MSRA: variants seen among roughly 807,000 people sequenced by gnomAD.
MSRA encodes the protein mitochondrial peptide methionine sulfoxide reductase.
In MSRA, 54 loss-of-function variants were observed where a neutral mutation model predicts 31.3. The observed-to-expected ratio is 1.73, with a 90% CI of 1.39 to 2.17. MSRA has a LOEUF of 2.17. MSRA is among the 30% of genes most tolerant of loss of function. The pLI, the probability that MSRA is intolerant of heterozygous loss-of-function variation, is 0.00. For missense variants in MSRA, 507 were observed against 300.9 expected (o/e 1.69, Z -5.07); for synonymous variants, 169 against 116.5 (o/e 1.45, Z -2.90).
intron 1 of MSRA, among the ~76,000 whole-genome samples, chr8:10,195,754 G>A (rs1168998157): frequency 6.6e-6 from 1 of 152,204 alleles, no homozygotes; most frequent in African/African-American, 2.4e-5. Flanking sequence ...CATCTCTCAT[G>A]TAAAAAGAGA....
chr8:10,208,691 G>T (rs1388397924), intron 2 of MSRA, among the ~76,000 whole-genome samples: 1 of 152,006 alleles, frequency 6.6e-6, no homozygotes, highest in African/African-American at 2.4e-5. Flanking sequence ...CGACCTCTGT[G>T]CTCTGGAATT....
intron 2 of MSRA, among the ~76,000 whole-genome samples, chr8:10,224,673 T>G (rs1174094892): frequency 3.3e-5 from 5 of 152,236 alleles, no homozygotes; most frequent in Middle Eastern, 3.4e-3. Context: ...CCACCACATT[T>G]CTAAGAAATC....
At chr8:10,077,436 C>T (rs1023762614) in intron 1 of MSRA, among the ~76,000 whole-genome samples, 2 of 149,222 alleles carry the variant, frequency 1.3e-5, no homozygotes, top group Admixed American at 6.7e-5. Context: ...TTTTGTACTA[C>T]TGTTTGTCAT....
chr8:10,089,556 G>T (rs551795350), intron 1 of MSRA, among the ~76,000 whole-genome samples: 1 of 152,330 alleles, frequency 6.6e-6, no homozygotes, highest in South Asian at 2.1e-4. Context: ...ACAGCGGGTA[G>T]ACGAGAGGTA....
chr8:10,054,409 C>CCCCCCCCCCCCCG lies in MSRA; in HGVS notation c.-108_-107insCCCCCCCCCCCCG. 2 of 1,027,594 alleles carry CCCCCCCCCCCCCG rather than the reference C, an allele frequency of 1.9e-6. No homozygotes were observed. Among genetic ancestry groups the CCCCCCCCCCCCCG allele is most frequent in the Non-Finnish European group, 2.5e-6 (2 of 794,002 alleles). The allele number at this position is 1,027,594 out of a possible 1,614,324, so 63.7% of individuals were successfully genotyped here. A position where few individuals can be genotyped will look rare whatever the true frequency, so the allele number is the denominator to read the frequency against. On this transcript the variant is annotated 5_prime_UTR_variant, in exon 1 of 6. Coordinates refer to ENST00000317173, the MANE Select transcript of MSRA (RefSeq NM_012331.5). Reference sequence around the variant, plus strand: ...GCCCCGCGCCCGCCCGCCCGCGCCCCTGCCGCCCCCCGGTTCCGGCCGCGG... The same window carrying CCCCCCCCCCCCCG: ...GCCCCGCGCCCGCCCGCCCGCGCCCCCCCCCCCCCCCCGTGCCGCCCCCCGGTTCCGGCCGCGG...
chr8:10,124,598 C>T (rs1801366651), intron 1 of MSRA, among the ~76,000 whole-genome samples: 1 of 152,114 alleles, frequency 6.6e-6, no homozygotes, highest in Non-Finnish European at 1.5e-5. Context: ...TATGAGACAC[C>T]AGTCAGTAAA....
rs796814087 is a variant in MSRA at position 10,358,686 on chromosome 8, G to A, written c.543+38697G>A. Reference sequence around the variant, plus strand: ...CGGCTCACTGCAAGCTCCGCCTCCCGGGTTCACGCCATTCTCCTGCCTCAG... The same window carrying A: ...CGGCTCACTGCAAGCTCCGCCTCCCAGGTTCACGCCATTCTCCTGCCTCAG... On this transcript the variant is annotated intron_variant, in intron 5 of 5. Transcript: ENST00000317173. 2.3e-3 allele frequency among the ~76,000 whole-genome samples: 317 copies of A among 137,464 alleles called. 5 individuals carry two copies. Among genetic ancestry groups the A allele is most frequent in the African/African-American group, 8.4e-3 (303 of 36,088 alleles). The allele number at this position is 137,464 out of a possible 152,430, so 90.2% of individuals were successfully genotyped here. A position where few individuals can be genotyped will look rare whatever the true frequency, so the allele number is the denominator to read the frequency against.
intron 3 of MSRA, among the ~76,000 whole-genome samples, chr8:10,260,754 C>T (rs548479594): frequency 2.8e-4 from 43 of 151,970 alleles, no homozygotes; most frequent in South Asian, 4.2e-4. Context: ...ACATTGTGTG[C>T]GTGTGTGTGT....
At chr8:10,217,371 C>A (rs1440776964) in intron 2 of MSRA, among the ~76,000 whole-genome samples, 1 of 152,226 alleles carries the variant, frequency 6.6e-6, no homozygotes, top group Non-Finnish European at 1.5e-5. Flanking sequence ...TTGGTCCTTG[C>A]ATCTCTGCAG....
chr8:10,279,825 A>G (rs1276995484), intron 3 of MSRA, among the ~76,000 whole-genome samples: 3 of 152,190 alleles, frequency 2.0e-5, no homozygotes, highest in African/African-American at 7.2e-5. Flanking sequence ...GGCCATGAAT[A>G]TGTATATATG....
At chr8:10,281,733 C>G (rs2975642) in intron 3 of MSRA, among the ~76,000 whole-genome samples, 1 of 152,136 alleles carries the variant, frequency 6.6e-6, no homozygotes, top group Non-Finnish European at 1.5e-5. Flanking sequence ...ACTTTATTCT[C>G]TTTGCCAGAA....
intron 3 of MSRA, among the ~76,000 whole-genome samples, chr8:10,257,667 C>T (rs527856115): frequency 1.4e-3 from 216 of 152,252 alleles, no homozygotes; most frequent in African/African-American, 4.7e-3. Flanking sequence ...TTTCAATTAA[C>T]GGCACCTCAA....
chr8:10,063,559 C>A (rs1392072102), intron 1 of MSRA, among the ~76,000 whole-genome samples: 1 of 152,122 alleles, frequency 6.6e-6, no homozygotes, highest in South Asian at 2.1e-4. Flanking sequence ...ATCCTCACCC[C>A]CCCAGGTGAT....
chr8:10,237,247 C>T (rs1812023515), intron 2 of MSRA, among the ~76,000 whole-genome samples: 1 of 152,200 alleles, frequency 6.6e-6, no homozygotes, highest in Admixed American at 6.5e-5. Context: ...GGGTGGAGCG[C>T]AAAGCTCCAG....
At position 10,256,556 on chromosome 8, in the gene MSRA, C is replaced by T. The variant is rs117280134; in HGVS notation, c.331+11333C>T. On this transcript the variant is annotated intron_variant, in intron 3 of 5. Coordinates refer to ENST00000317173, the MANE Select transcript of MSRA (RefSeq NM_012331.5). ...ATTTCTGCTAGCTGATATCAGGCAACTGGGGGCTTCATCCATCAAAAGCAC... is the reference window on the plus strand; with the variant it reads ...ATTTCTGCTAGCTGATATCAGGCAATTGGGGGCTTCATCCATCAAAAGCAC... Among the ~76,000 whole-genome samples the T allele has an allele frequency of 8.0e-3, 1,216 of 152,314 alleles. 10 individuals are homozygous for T. Among genetic ancestry groups the T allele is most frequent in the South Asian group, 0.043 (207 of 4,824 alleles).
intron 5 of MSRA, among the ~76,000 whole-genome samples, chr8:10,369,120 T>C (rs1439321082): frequency 6.6e-6 from 1 of 152,216 alleles, no homozygotes; most frequent in Non-Finnish European, 1.5e-5. Flanking sequence ...AAAACAGTTG[T>C]ATTAAGTAGT....
At position 10,251,335 on chromosome 8, in the gene MSRA, A is replaced by G. The variant is rs372058429; in HGVS notation, c.331+6112A>G. Among the ~76,000 whole-genome samples, 7 of 152,236 alleles carry G rather than the reference A, an allele frequency of 4.6e-5. No homozygotes were observed. In the East Asian group the frequency reaches 9.7e-4, roughly 21 times the overall value. On this transcript the variant is annotated intron_variant, in intron 3 of 5. Transcript: ENST00000317173. ...ATGAGTTCTCTTATTAACAGATTTT[A>G]TCAAGCAATGTAAAACTCATTCTAA...
chr8:10,332,149 C>A (rs1008376964), intron 5 of MSRA, among the ~76,000 whole-genome samples: 2 of 152,166 alleles, frequency 1.3e-5, no homozygotes, highest in African/African-American at 4.8e-5. Context: ...GGGTAAGTTG[C>A]ATGCTAGAAG....
At chr8:10,428,071 TG>T (rs1323834737) in intron 5 of MSRA, 76 bp from the exon 6 acceptor site, 17 of 1,507,588 alleles carry the variant, frequency 1.1e-5, no homozygotes, top group African/African-American at 5.6e-5. Flanking sequence ...ACTGCAGCCC[TG>T]GCCCCTCAGT....
Sources: gnomAD v4.1 joint callset for allele counts (sites outside exome capture counted in the v4.1 genomes callset) on GRCh38, gnomAD v4.1.1 for gene constraint, MANE v1.5 for transcripts, NCBI Gene and HGNC (gene_info 2026-07-23, HGNC 2026-07-21) for gene names.